DNAJB12: variants seen among roughly 807,000 people sequenced by gnomAD.
DNAJB12 encodes the protein dnaJ homolog subfamily B member 12.
A neutral mutation model predicts 40.6 loss-of-function variants in DNAJB12; 14 were observed. That is an observed-to-expected ratio of 0.34 (90% confidence interval 0.23 to 0.54). The LOEUF is 0.54. Among genes scored for constraint, DNAJB12 ranks in the 20% least tolerant of loss-of-function variants. The pLI is 0.92. For synonymous variants in DNAJB12, 181 were observed against 199.5 expected (o/e 0.91, Z 0.78); for missense variants, 444 against 501.7 (o/e 0.89, Z 1.10).
rs1861389464 is a variant in DNAJB12 at position 72,333,906 on chromosome 10, A to G, written c.*742T>C. Reference sequence around the variant, plus strand: ...CCTGAGGCCTTCGCGGGTTCACACTATCATGATTACTGCTGCCATCAAAAC... The same window carrying G: ...CCTGAGGCCTTCGCGGGTTCACACTGTCATGATTACTGCTGCCATCAAAAC... On this transcript the variant is annotated 3_prime_UTR_variant, in exon 9 of 9. Coordinates refer to ENST00000444643, the MANE Select transcript of DNAJB12 (RefSeq NM_017626.7). 1 of 153,750 alleles carries G rather than the reference A, an allele frequency of 6.5e-6. No homozygotes were observed. Among genetic ancestry groups the G allele is most frequent in the African/African-American group, 2.4e-5 (1 of 41,442 alleles). The allele number at this position is 153,750 out of a possible 1,614,324, so 9.5% of individuals were successfully genotyped here. A position where few individuals can be genotyped will look rare whatever the true frequency, so the allele number is the denominator to read the frequency against.
At chr10:72,345,647 C>T (rs930151097) in intron 1 of DNAJB12, among the ~76,000 whole-genome samples, 20 of 148,868 alleles carry the variant, frequency 1.3e-4, no homozygotes, top group Admixed American at 1.0e-3. Context: ...CTGAGGCGGG[C>T]GGATCACCTG....
At chr10:72,352,270 T>C (rs1861953712) in intron 1 of DNAJB12, among the ~76,000 whole-genome samples, 1 of 152,228 alleles carries the variant, frequency 6.6e-6, no homozygotes, top group Non-Finnish European at 1.5e-5. Context: ...CCCCATTTTA[T>C]TTCCCAAACT....
intron 3 of DNAJB12, 89 bp from the exon 4 acceptor site, chr10:72,341,259 A>T (rs914000027): frequency 1.5e-6 from 2 of 1,306,370 alleles, no homozygotes; most frequent in Admixed American, 4.1e-5. Flanking sequence ...TTTCTCAGGT[A>T]CTCAAGCAGT....
At position 72,340,841 on chromosome 10, in the gene DNAJB12, C is replaced by T. The variant is rs149260270; in HGVS notation, c.671G>A (p.Arg224His). ...SSNVHVYSNG[R>H]MRYTYQQRQD... ...CCTTTGCTGGTAGGTATAGCGCATG[C>T]GGCCGTTGCTGTAGACGTGGACGTT... Residue 224 changes from arginine to histidine, a missense_variant, in exon 5 of 9, where the codon CGC becomes CAC. Physicochemically the swap from Arg to His is conservative, Grantham distance 29 (BLOSUM62 0). Coordinates refer to ENST00000444643, the MANE Select transcript of DNAJB12 (RefSeq NM_017626.7). The T allele has an allele frequency of 3.8e-5, 61 of 1,614,012 alleles. No individual in the cohort carries two copies. The highest frequency in any genetic ancestry group is 1.6e-4 in the Middle Eastern group (1 of 6,084).
intron 5 of DNAJB12, 118 bp downstream of exon 5, chr10:72,340,671 T>C: frequency 9.7e-7 from 1 of 1,031,512 alleles, no homozygotes; most frequent in South Asian, 1.4e-5. Context: ...CTGAGAGTTA[T>C]GGGGACTCTG....
Position 72,335,494 on chromosome 10 carries a change from C to G in DNAJB12, c.*30+286G>C. ...AGAAGCCCCGGGTGGCCCTCAGCAA[C>G]AGTTTCAAGTTCCCACTCTGCCTGG... is the stretch of plus-strand genomic sequence containing the variant. On this transcript the variant is annotated intron_variant, in intron 8 of 8. Coordinates refer to ENST00000444643, the MANE Select transcript of DNAJB12 (RefSeq NM_017626.7). This position sits in a 1 kb window ranked among gnomAD's most constrained non-coding sequence, Gnocchi z 4.4. The G allele has an allele frequency of 3.5e-6, 4 of 1,155,158 alleles. No homozygotes were observed. The highest frequency in any genetic ancestry group is 5.4e-5 in the East Asian group (1 of 18,406). The allele number at this position is 1,155,158 out of a possible 1,614,324, so 71.6% of individuals were successfully genotyped here.
chr10:72,342,635 G>T (rs1453775241), intron 3 of DNAJB12, among the ~76,000 whole-genome samples: 5 of 152,240 alleles, frequency 3.3e-5, no homozygotes. Context: ...GCCAGTGGGG[G>T]CTAGTCACCA....
rs748656542 is a variant in DNAJB12, at chr10:72,340,864, G to A, written c.648C>T (p.Asn216=). 17 of 1,613,870 alleles carry A rather than the reference G, an allele frequency of 1.1e-5. No homozygotes were observed. The highest frequency in any genetic ancestry group is 1.3e-5 in the African/African-American group (1 of 74,936). The change falls in exon 5 of 9, where the codon AAC becomes AAT. Residue 216 remains asparagine, a synonymous_variant. Coordinates refer to ENST00000444643, the MANE Select transcript of DNAJB12 (RefSeq NM_017626.7). ...TGCGGCCGTTGCTGTAGACGTGGAC[G>A]TTACCTGGGGGTCAGAGGGGCTGAG... The part of the protein sequence containing the change: ...MFFGGGFPSS[N]VHVYSNGRMR...
intron 1 of DNAJB12, chr10:72,353,292 C>T (rs1242042515): frequency 6.6e-6 from 1 of 152,246 alleles, no homozygotes; most frequent in Non-Finnish European, 1.5e-5. Context: ...GGATACCACC[C>T]CACCACAGAA....
At position 72,333,367 on chromosome 10, in the gene DNAJB12, A is replaced by C. The variant is rs1352715836; in HGVS notation, c.*1281T>G. 1.3e-5 allele frequency: 2 copies of C among 152,226 alleles called. No individual in the cohort carries two copies. Among genetic ancestry groups the C allele is most frequent in the Non-Finnish European group, 2.9e-5 (2 of 68,032 alleles). 9.4% of individuals were successfully genotyped at this position (152,226 alleles called of 1,614,324 possible). On this transcript the variant is annotated 3_prime_UTR_variant, in exon 9 of 9. Coordinates refer to ENST00000444643, the MANE Select transcript of DNAJB12 (RefSeq NM_017626.7). ...GGCGGCAAGTGCTGTTTTAAGCAAA[A>C]TCCTCATTTCAATGTGAGGGTAAGA...
chr10:72,336,711 C>G lies in DNAJB12; in HGVS notation c.834-15G>C. ...GGCCCACGGACCTGGCCAGAAATACCAGGTTCAAAGTGGGTGCGGGTCCCC... is the reference window on the plus strand; with the variant it reads ...GGCCCACGGACCTGGCCAGAAATACGAGGTTCAAAGTGGGTGCGGGTCCCC... On this transcript the variant is annotated splice_polypyrimidine_tract_variant and intron_variant, in intron 6 of 8. Coordinates refer to ENST00000444643, the MANE Select transcript of DNAJB12 (RefSeq NM_017626.7). The G allele has an allele frequency of 6.2e-7, 1 of 1,612,306 alleles. No individual in the cohort carries two copies. Among genetic ancestry groups the G allele is most frequent in the Non-Finnish European group, 8.5e-7 (1 of 1,178,832 alleles).
rs528759392 is a variant in DNAJB12, at chr10:72,335,380, C to G, written c.*30+400G>C. The G allele has an allele frequency of 1.0e-4, 106 of 1,010,428 alleles. No individual in the cohort carries two copies. In the African/African-American group the frequency reaches 1.7e-3, roughly 16 times the overall value. The allele number at this position is 1,010,428 out of a possible 1,614,324, so 62.6% of individuals were successfully genotyped here. On this transcript the variant is annotated intron_variant, in intron 8 of 8. Transcript: ENST00000444643. This position sits in a 1 kb window ranked among gnomAD's most constrained non-coding sequence, Gnocchi z 4.4. Reference sequence around the variant, plus strand: ...GCATATGGGGCTCTCTTGGGCCCCACCATATGTGATGGCCTAAATACCAGG... The same window carrying G: ...GCATATGGGGCTCTCTTGGGCCCCAGCATATGTGATGGCCTAAATACCAGG...
rs748459260 is a variant in DNAJB12 at position 72,342,799 on chromosome 10, TAA to T, written c.457+565_457+566del. Reference sequence around the variant, plus strand: ...ACAGGTTAAATGAAAATGTAATGAATAAAGGGCAGCTTACGATTTCAGCCAGA... The same window carrying T: ...ACAGGTTAAATGAAAATGTAATGAATAGGGCAGCTTACGATTTCAGCCAGA... On this transcript the variant is annotated intron_variant, in intron 3 of 8. Transcript: ENST00000444643. 1.4e-4 allele frequency among the ~76,000 whole-genome samples: 22 copies of T among 152,300 alleles called. 1 individual carries two copies. Among genetic ancestry groups the T allele is most frequent in the Admixed American group, 3.3e-4 (5 of 15,306 alleles).
Position 72,354,428 on chromosome 10 carries a change from A to T in DNAJB12, c.133+337T>A. The T allele has an allele frequency of 2.1e-5, 6 of 287,274 alleles. No individual in the cohort carries two copies. In the South Asian group the frequency reaches 2.3e-4, roughly 11 times the overall value. 17.8% of individuals were successfully genotyped at this position (287,274 alleles called of 1,614,324 possible). Reference sequence around the variant, plus strand: ...GCCGGCGACTGGCCTGGGCTACCGAACGGCCCCTTGGGAAAAGTAGTTCGA... The same window carrying T: ...GCCGGCGACTGGCCTGGGCTACCGATCGGCCCCTTGGGAAAAGTAGTTCGA... On this transcript the variant is annotated intron_variant, in intron 1 of 8. Transcript: ENST00000444643.
chr10:72,340,939 C>T, intron 4 of DNAJB12, 46 bp downstream of exon 4: 1 of 1,608,932 alleles, frequency 6.2e-7, no homozygotes, highest in Non-Finnish European at 8.5e-7. Context: ...GCCATTCCCA[C>T]CATCACCCCA....
At position 72,341,957 on chromosome 10, in the gene DNAJB12, C is replaced by G. The variant is rs1223176061; in HGVS notation, c.458-787G>C. 2.6e-5 allele frequency among the ~76,000 whole-genome samples: 4 copies of G among 152,242 alleles called. No individual in the cohort carries two copies. The East Asian group carries it at 7.7e-4, about 29-fold the overall frequency. On this transcript the variant is annotated intron_variant, in intron 3 of 8. Transcript: ENST00000444643. The stretch of plus-strand genomic sequence containing the variant: ...ATGAAAACCACCAAAAACCTCTTTC[C>G]TCATTCTCTCTTGACGTGCCCAATA...
At chr10:72,337,159 G>A (rs2131979783) in intron 6 of DNAJB12, among the ~76,000 whole-genome samples, 1 of 152,346 alleles carries the variant, frequency 6.6e-6, no homozygotes, top group South Asian at 2.1e-4. Context: ...TCCAATCACA[G>A]GCTCTGTCAG....
At position 72,334,306 on chromosome 10, in the gene DNAJB12, TC is replaced by T. The variant is rs1861403740; in HGVS notation, c.*341del. ...GGAGGAAAGGCAGCTGGGTGCCCCCTCCCCCAGCCCTTCCCACTGATATCTG... is the reference window on the plus strand; with the variant it reads ...GGAGGAAAGGCAGCTGGGTGCCCCCTCCCCAGCCCTTCCCACTGATATCTG... On this transcript the variant is annotated 3_prime_UTR_variant, in exon 9 of 9. Transcript: ENST00000444643. 2.2e-6 allele frequency: 1 copy of T among 460,360 alleles called. No individual in the cohort carries two copies. Among genetic ancestry groups the T allele is most frequent in the African/African-American group, 2.1e-5 (1 of 48,300 alleles). The allele number at this position is 460,360 out of a possible 1,614,324, so 28.5% of individuals were successfully genotyped here. A position where few individuals can be genotyped will look rare whatever the true frequency, so the allele number is the denominator to read the frequency against.
intron 3 of DNAJB12, among the ~76,000 whole-genome samples, chr10:72,343,118 G>A (rs973480921): frequency 6.6e-5 from 10 of 152,204 alleles, no homozygotes; most frequent in Non-Finnish European, 8.8e-5. Context: ...GCTCTACTAC[G>A]TAACCCCAGG....
Sources: allele counts gnomAD v4.1 joint callset (sites outside exome capture counted in the v4.1 genomes callset), GRCh38; gene constraint gnomAD v4.1.1; non-coding constraint Gnocchi (gnomAD v3.1); transcripts MANE v1.5; gene names NCBI Gene and HGNC (gene_info 2026-07-23, HGNC 2026-07-21).